The following BIRC6 variants were observed in gnomAD, a reference collection of about 807,000 sequenced individuals.
BIRC6 encodes dual E2 ubiquitin-conjugating enzyme/E3 ubiquitin-protein ligase BIRC6.
A neutral mutation model predicts 503.3 loss-of-function variants in BIRC6; 98 were observed. The ratio of observed to expected loss-of-function variants is 0.19; its 90% CI spans 0.17 to 0.23. The LOEUF (loss-of-function observed/expected upper bound fraction) is 0.23. BIRC6 is among the 10% of genes least tolerant of loss of function. The pLI is 1.00. For synonymous variants in BIRC6, 2,240 were observed against 2,078.7 expected, an observed-to-expected ratio of 1.08 and a Z score of -2.11; for missense variants, 5,360 against 5,806.0, an observed-to-expected ratio of 0.92 and a Z score of 2.50.
chr2:32,496,100 G>A (rs1373736417), intron 45 of BIRC6, among the ~76,000 whole-genome samples: 7 of 151,954 alleles, frequency 4.6e-5, no homozygotes, highest in Non-Finnish European at 1.0e-4. Flanking sequence ...CAAAGTGCTG[G>A]GATTACAGGC....
At chr2:32,382,482 C>A (rs1399324659) in intron 3 of BIRC6, among the ~76,000 whole-genome samples, 1 of 152,212 alleles carries the variant, frequency 6.6e-6, no homozygotes, top group African/African-American at 2.4e-5. Flanking sequence ...TCTTTCTTTC[C>A]AGTTTCCTTC....
intron 64 of BIRC6, among the ~76,000 whole-genome samples, 182 bp downstream of exon 64, chr2:32,548,196 A>G (rs2058181563): frequency 6.6e-6 from 1 of 151,800 alleles, no homozygotes; most frequent in African/African-American, 2.4e-5. Flanking sequence ...GTGACTCTGT[A>G]TTTCTTCCCT....
At chr2:32,569,276 A>C in intron 65 of BIRC6, among the ~76,000 whole-genome samples, 1 of 152,212 alleles carries the variant, frequency 6.6e-6, no homozygotes, top group Non-Finnish European at 1.5e-5. Context: ...GGCGTGAGCC[A>C]CCGCACTTGG....
chr2:32,481,265 A>G, intron 37 of BIRC6, 55 bp from the exon 38 acceptor site: 4 of 1,402,354 alleles, frequency 2.9e-6, no homozygotes, highest in Non-Finnish European at 2.8e-6. Flanking sequence ...GCATTATGTC[A>G]TCTAAATTTT....
At chr2:32,490,424 AC>A (rs1200241764) in intron 43 of BIRC6, among the ~76,000 whole-genome samples, 2 of 152,094 alleles carry the variant, frequency 1.3e-5, no homozygotes, top group Non-Finnish European at 2.9e-5. Flanking sequence ...AGTCCCAGCT[AC>A]TTGGGAGGGT....
intron 22 of BIRC6, among the ~76,000 whole-genome samples, chr2:32,450,995 C>G (rs1465708313): frequency 2.0e-5 from 3 of 152,160 alleles, no homozygotes; most frequent in Non-Finnish European, 2.9e-5. Flanking sequence ...CCCACAGATA[C>G]AGAGAGCTGA....
intron 66 of BIRC6, among the ~76,000 whole-genome samples, chr2:32,581,060 G>C (rs559518475): frequency 6.6e-6 from 1 of 152,250 alleles, no homozygotes; most frequent in South Asian, 2.1e-4. Flanking sequence ...CCTATTACTT[G>C]GTTATTTGAC....
chr2:32,520,386 A>G (rs557190828), intron 57 of BIRC6, among the ~76,000 whole-genome samples: 3 of 152,360 alleles, frequency 2.0e-5, no homozygotes, highest in Non-Finnish European at 4.4e-5. Flanking sequence ...TGTTATAAAT[A>G]TTAAAAAAAA....
At chr2:32,476,190 A>G (rs1252367749) in intron 33 of BIRC6, 23 bp from the exon 34 acceptor site, 23 of 1,512,710 alleles carry the variant, frequency 1.5e-5, no homozygotes, top group Non-Finnish European at 1.9e-5. Flanking sequence ...TTAAAGATTA[A>G]GTTGTTTATT....
intron 20 of BIRC6, 46 bp downstream of exon 20, chr2:32,443,634 C>A: frequency 7.6e-7 from 1 of 1,316,404 alleles, no homozygotes; most frequent in Non-Finnish European, 1.1e-6. Flanking sequence ...TCATATGGAA[C>A]ATCTCATATG....
chr2:32,379,074 T>C (rs955666710), intron 2 of BIRC6: 2 of 152,224 alleles, frequency 1.3e-5, no homozygotes, highest in Non-Finnish European at 2.9e-5. Context: ...TTCACTTAGA[T>C]TTTACATTTA....
In BIRC6 at chr2:32,415,250, G is replaced by C. The variant is rs1433365061; in HGVS notation, c.1959G>C (p.Met653Ile). 4.3e-6 allele frequency: 7 copies of C among 1,613,922 alleles called. No individual in the cohort carries two copies. Reference protein sequence around the residue: ...GKIFSQMNNIMSKSLHDDGFT... With the variant: ...GKIFSQMNNIISKSLHDDGFT... ...TCTTTTCACAGATGAACAATATTAT[G>C]AGTAAAAGTTTGCATGATGATGGTT... Residue 653 changes from methionine (M) to isoleucine (I), a missense_variant, in exon 10 of 74, where the codon ATG (methionine) becomes ATC (isoleucine). Transcript: ENST00000421745.
chr2:32,414,204 G>GT (rs2042186989), intron 9 of BIRC6, among the ~76,000 whole-genome samples: 1 of 152,138 alleles, frequency 6.6e-6, no homozygotes, highest in African/African-American at 2.4e-5. Flanking sequence ...TTGAACCTGG[G>GT]AGGCGGAGGT....
intron 3 of BIRC6, among the ~76,000 whole-genome samples, chr2:32,382,163 TTATCAGAACCTAGAAACTTAGAGA>T (rs1377435072): frequency 6.6e-6 from 1 of 152,148 alleles, no homozygotes; most frequent in African/African-American, 2.4e-5. Context: ...AGATTAGGGG[TTATCAGAACCTAGAAACTTAGAGA>T]ATAGGCCCCG....
intron 50 of BIRC6, 112 bp from the exon 51 acceptor site, chr2:32,507,868 C>A: frequency 2.0e-6 from 2 of 979,014 alleles, no homozygotes; most frequent in Non-Finnish European, 2.9e-6. Context: ...TTTCCTTTTA[C>A]AAGTTCATGA....
At chr2:32,561,910 T>G (rs893211582) in intron 65 of BIRC6, among the ~76,000 whole-genome samples, 9 of 151,732 alleles carry the variant, frequency 5.9e-5, no homozygotes, top group Admixed American at 2.0e-4. Flanking sequence ...GGCGTGGTGG[T>G]GGGCCCCTGT....
intron 34 of BIRC6, among the ~76,000 whole-genome samples, chr2:32,477,045 C>G (rs1468845728): frequency 6.6e-6 from 1 of 152,116 alleles, no homozygotes; most frequent in East Asian, 1.9e-4. Flanking sequence ...CAAGCTTTTA[C>G]AAATTATGTT....
Position 32,578,979 on chromosome 2 carries a change from A to AATATATATATATATATAT in BIRC6, c.13355+3624_13355+3625insTATATATATATATATATA, listed in dbSNP as rs1407258691. Among the ~76,000 whole-genome samples, 639 of 74,278 alleles carry AATATATATATATATATAT rather than the reference A, an allele frequency of 8.6e-3. 67 individuals are homozygous for AATATATATATATATATAT. The highest frequency in any genetic ancestry group is 0.051 in the Middle Eastern group (7 of 136). The allele number at this position is 74,278 out of a possible 152,430, so 48.7% of individuals were successfully genotyped here. A position where few individuals can be genotyped will look rare whatever the true frequency, so the allele number is the denominator to read the frequency against. On this transcript the variant is annotated intron_variant, in intron 66 of 73. Coordinates refer to ENST00000421745, the MANE Select transcript of BIRC6 (RefSeq NM_016252.4). ...GTTTACTACTTATTTTTATATACCT[A>AATATATATATATATATAT]ATATATATATACACTTAATATATAT... is the stretch of plus-strand genomic sequence containing the variant.
At chr2:32,460,272 A>AATTTT (rs2047730907) in intron 23 of BIRC6, among the ~76,000 whole-genome samples, 1 of 18,816 alleles carries the variant, frequency 5.3e-5, no homozygotes, top group Non-Finnish European at 9.2e-5. Flanking sequence ...ATATATATAT[A>AATTTT]TTTTTTTTTT....
Sources: gnomAD v4.1 joint callset for allele counts (sites outside exome capture counted in the v4.1 genomes callset) on GRCh38, gnomAD v4.1.1 for gene constraint, MANE v1.5 for transcripts, NCBI Gene and HGNC (gene_info 2026-07-23, HGNC 2026-07-21) for gene names.